Variants in OLFM3 observed in about 807,000 individuals in gnomAD.
OLFM3 encodes the protein olfactomedin 3, also known as noelin-3.
OLFM3 carries 20 observed loss-of-function variants against 48.6 expected under a neutral mutation model. The ratio of observed to expected loss-of-function variants is 0.41; its 90% CI spans 0.29 to 0.60. The LOEUF (loss-of-function observed/expected upper bound fraction) is 0.60. OLFM3 is among the 20% of genes least tolerant of loss of function. The pLI, the probability that OLFM3 is intolerant of heterozygous loss-of-function variation, is 0.28. For missense variants in OLFM3, 437 were observed against 544.3 expected, an observed-to-expected ratio of 0.80 and a Z score of 1.96; for synonymous variants, 222 against 198.1, an observed-to-expected ratio of 1.12 and a Z score of -1.01.
intron 1 of OLFM3, among the ~76,000 whole-genome samples, chr1:101,944,159 C>G (rs1040244832): frequency 2.0e-5 from 3 of 151,580 alleles, no homozygotes; most frequent in Admixed American, 1.3e-4. Context: ...GTGCCTACTT[C>G]TATGTTATAT....
chr1:101,899,391 G>A (rs1364327527), intron 1 of OLFM3, among the ~76,000 whole-genome samples: 1 of 152,190 alleles, frequency 6.6e-6, no homozygotes, highest in African/African-American at 2.4e-5. Flanking sequence ...GAAAGAGGGA[G>A]AGGAGGGGCA....
At chr1:101,953,627 C>G (rs147744768) in intron 1 of OLFM3, among the ~76,000 whole-genome samples, 4 of 152,152 alleles carry the variant, frequency 2.6e-5, no homozygotes, top group Non-Finnish European at 4.4e-5. Flanking sequence ...TACCATTAAT[C>G]CTGTTTGTTC....
At chr1:101,861,450 G>C (rs934494449) in intron 1 of OLFM3, among the ~76,000 whole-genome samples, 1 of 152,214 alleles carries the variant, frequency 6.6e-6, no homozygotes, top group Non-Finnish European at 1.5e-5. Flanking sequence ...AGTGTTTGTA[G>C]TATCTACGTT....
At chr1:101,959,673 GA>G (rs1660409491) in intron 1 of OLFM3, among the ~76,000 whole-genome samples, 1 of 152,142 alleles carries the variant, frequency 6.6e-6, no homozygotes, top group African/African-American at 2.4e-5. Flanking sequence ...GGGCAAGACA[GA>G]AAGGTGACTC....
intron 1 of OLFM3, among the ~76,000 whole-genome samples, chr1:101,904,438 T>A (rs371602532): frequency 6.6e-5 from 10 of 152,102 alleles, no homozygotes; most frequent in African/African-American, 2.4e-4. Flanking sequence ...CAGCTGCTAG[T>A]GCTAGCCTGA....
chr1:101,909,632 A>G (rs1658680639), intron 1 of OLFM3, among the ~76,000 whole-genome samples: 1 of 152,332 alleles, frequency 6.6e-6, no homozygotes, highest in East Asian at 1.9e-4. Flanking sequence ...TATAAGTGTG[A>G]GCATCTAATT....
chr1:101,925,896 A>G (rs1159076309), intron 1 of OLFM3, among the ~76,000 whole-genome samples: 1 of 152,120 alleles, frequency 6.6e-6, no homozygotes, highest in African/African-American at 2.4e-5. Context: ...TCTCAGTTAT[A>G]TGCTCATTAC....
intron 1 of OLFM3, among the ~76,000 whole-genome samples, chr1:101,927,516 T>C (rs1014620019): frequency 2.6e-5 from 4 of 151,928 alleles, no homozygotes; most frequent in African/African-American, 7.2e-5. Flanking sequence ...AGCAGCACTA[T>C]GGAAAATTTT....
intron 1 of OLFM3, among the ~76,000 whole-genome samples, chr1:101,978,568 T>A (rs539841921): frequency 6.6e-6 from 1 of 152,154 alleles, no homozygotes; most frequent in Non-Finnish European, 1.5e-5. Context: ...ATTTAAAAAA[T>A]TATGTAATTT....
At chr1:101,933,975 T>C (rs1297923775) in intron 1 of OLFM3, among the ~76,000 whole-genome samples, 2 of 151,840 alleles carry the variant, frequency 1.3e-5, no homozygotes, top group African/African-American at 4.8e-5. Context: ...GTATTTAATA[T>C]GGAAAGGAAA....
At chr1:101,903,382 T>G (rs916929346) in intron 1 of OLFM3, among the ~76,000 whole-genome samples, 11 of 152,016 alleles carry the variant, frequency 7.2e-5, no homozygotes, top group Admixed American at 1.3e-4. Flanking sequence ...AGGATAAGCT[T>G]AGGATATTCA....
At chr1:101,934,639 A>C (rs1659553040) in intron 1 of OLFM3, among the ~76,000 whole-genome samples, 1 of 151,984 alleles carries the variant, frequency 6.6e-6, no homozygotes, top group East Asian at 1.9e-4. Flanking sequence ...ACATCTACAG[A>C]CTCTACCTAA....
chr1:101,874,104 A>T (rs1313073664), intron 1 of OLFM3, among the ~76,000 whole-genome samples: 1 of 151,918 alleles, frequency 6.6e-6, no homozygotes, highest in Non-Finnish European at 1.5e-5. Flanking sequence ...TAATTCTATA[A>T]GTTGGAAAAA....
intron 1 of OLFM3, among the ~76,000 whole-genome samples, chr1:101,869,600 G>A (rs1027943823): frequency 6.6e-6 from 1 of 152,248 alleles, no homozygotes; most frequent in East Asian, 1.9e-4. Flanking sequence ...TATGAAATGT[G>A]AGTACATGAA....
intron 1 of OLFM3, among the ~76,000 whole-genome samples, chr1:101,912,245 A>G (rs1164832001): frequency 6.6e-6 from 1 of 152,200 alleles, no homozygotes; most frequent in Non-Finnish European, 1.5e-5. Flanking sequence ...CCAAGCAGAC[A>G]TTTGAATTCA....
intron 1 of OLFM3, among the ~76,000 whole-genome samples, chr1:101,874,776 AAGG>A (rs1478871503): frequency 6.6e-6 from 1 of 151,950 alleles, no homozygotes; most frequent in Non-Finnish European, 1.5e-5. Context: ...TATTGAATGG[AAGG>A]AGAAGGCAGA....
chr1:101,909,184 C>T (rs1658661335), intron 1 of OLFM3, among the ~76,000 whole-genome samples: 1 of 152,194 alleles, frequency 6.6e-6, no homozygotes, highest in Admixed American at 6.5e-5. Context: ...CCACTCAGCT[C>T]AGTCATTCTG....
chr1:101,845,559 A>G (rs1388666583), intron 1 of OLFM3, among the ~76,000 whole-genome samples: 1 of 152,226 alleles, frequency 6.6e-6, no homozygotes, highest in Non-Finnish European at 1.5e-5. Flanking sequence ...ATTGAAAAAA[A>G]AATTGGCTCA....
chr1:101,864,703 T>G (rs766820242), intron 1 of OLFM3, among the ~76,000 whole-genome samples: 1 of 152,108 alleles, frequency 6.6e-6, no homozygotes, highest in Non-Finnish European at 1.5e-5. Flanking sequence ...CCAGAACAGA[T>G]CAAGAGACAG....
Sources: allele counts gnomAD v4.1 joint callset (sites outside exome capture counted in the v4.1 genomes callset), GRCh38; gene constraint gnomAD v4.1.1; transcripts MANE v1.5; gene names NCBI Gene and HGNC (gene_info 2026-07-23, HGNC 2026-07-21).